CHRM3: variants seen among roughly 807,000 people sequenced by gnomAD.
CHRM3 encodes the protein muscarinic acetylcholine receptor M3.
Under a neutral mutation model 41.8 loss-of-function variants are expected in CHRM3, and 11 were observed. That is an observed-to-expected ratio of 0.26 (90% CI 0.17 to 0.44). The LOEUF (loss-of-function observed/expected upper bound fraction) is 0.44. CHRM3 is among the 20% of genes least tolerant of loss of function. The pLI is 1.00. For synonymous variants in CHRM3, 297 were observed against 301.4 expected (o/e 0.99, Z 0.15); for missense variants, 571 against 745.4 (o/e 0.77, Z 2.72).
chr1:239,493,329 A>AC (rs1384648466), intron 2 of CHRM3, among the ~76,000 whole-genome samples: 2 of 152,158 alleles, frequency 1.3e-5, no homozygotes, highest in African/African-American at 4.8e-5. Context: ...TATTAGAAGA[A>AC]CTGTGTGTTT....
At chr1:239,488,464 C>G (rs548581129) in intron 1 of CHRM3, among the ~76,000 whole-genome samples, 2 of 151,786 alleles carry the variant, frequency 1.3e-5, no homozygotes, top group African/African-American at 4.8e-5. Flanking sequence ...GCCTGTAATC[C>G]CAGCACTTTG....
At chr1:239,404,421 A>AGAAAGAGAAAGAAAGAAAGAAG (rs1558195873) in intron 1 of CHRM3, among the ~76,000 whole-genome samples, 3 of 94,638 alleles carry the variant, frequency 3.2e-5, no homozygotes, top group African/African-American at 1.3e-4. Flanking sequence ...AAAGAAAGAA[A>AGAAAGAGAAAGAAAGAAAGAAG]GAAAGAAAGA....
In CHRM3 at chr1:239,678,279, C is replaced by T. The variant is rs1408880258; in HGVS notation, c.-156C>T. The T allele has an allele frequency of 1.3e-5, 2 of 152,158 alleles. No homozygotes were observed. The highest frequency in any genetic ancestry group is 1.3e-4 in the Admixed American group (2 of 15,262). 9.4% of individuals were successfully genotyped at this position (152,158 alleles called of 1,614,324 possible). On this transcript the variant is annotated 5_prime_UTR_variant, in exon 5 of 7. Transcript: ENST00000676153. ...ACATTGTATTGGTTTGATGCTCCTA[C>T]CTGGAACAGGTATGTAAATCTCCAG...
chr1:239,548,867 T>C (rs1023770996), intron 3 of CHRM3, among the ~76,000 whole-genome samples: 2 of 152,230 alleles, frequency 1.3e-5, no homozygotes, highest in Non-Finnish European at 2.9e-5. Flanking sequence ...AGCAAGGTTA[T>C]GCGGTTGGAA....
At chr1:239,710,684 T>C (rs188227101) in intron 5 of CHRM3, among the ~76,000 whole-genome samples, 1 of 152,314 alleles carries the variant, frequency 6.6e-6, no homozygotes, top group African/African-American at 2.4e-5. Flanking sequence ...ATGCCAAGTT[T>C]AGATAAAGTA....
chr1:239,628,615 T>TC lies in CHRM3; in HGVS notation c.-312-3609_-312-3608insC, dbSNP rs1669299935. Among the ~76,000 whole-genome samples the TC allele has an allele frequency of 3.3e-5, 2 of 61,062 alleles. 1 individual carries two copies. The highest frequency in any genetic ancestry group is 2.6e-4 in the Admixed American group (2 of 7,740). 40.1% of individuals were successfully genotyped at this position (61,062 alleles called of 152,430 possible). A position where few individuals can be genotyped will look rare whatever the true frequency, so the allele number is the denominator to read the frequency against. On this transcript the variant is annotated intron_variant, in intron 3 of 6. Transcript: ENST00000676153. The stretch of plus-strand genomic sequence containing the variant: ...AGTTTCCAGTTTTTCTGTTCTGTTT[T>TC]TCCCCATCTTTGTGGTTTTATCTAC...
chr1:239,517,602 G>C (rs1461095031), intron 2 of CHRM3, among the ~76,000 whole-genome samples: 1 of 152,138 alleles, frequency 6.6e-6, no homozygotes, highest in African/African-American at 2.4e-5. Flanking sequence ...CATTATTGAT[G>C]GTAGCCAGGT....
intron 2 of CHRM3, among the ~76,000 whole-genome samples, chr1:239,530,751 C>G (rs908365075): frequency 1.3e-5 from 2 of 151,858 alleles, no homozygotes; most frequent in African/African-American, 4.8e-5. Context: ...GAAGAAAGAC[C>G]CAGTGACCTT....
At position 239,630,452 on chromosome 1, in the gene CHRM3, T is replaced by G. The variant is rs375005571; in HGVS notation, c.-312-1772T>G. Reference sequence around the variant, plus strand: ...TGACACATGGTTAAATGGAGTTAACTGAGTACTTGCCCTTTGACCCATTAG... The same window carrying G: ...TGACACATGGTTAAATGGAGTTAACGGAGTACTTGCCCTTTGACCCATTAG... On this transcript the variant is annotated intron_variant, in intron 3 of 6. Coordinates refer to ENST00000676153, the MANE Select transcript of CHRM3 (RefSeq NM_001375978.1). 1.6e-3 allele frequency among the ~76,000 whole-genome samples: 238 copies of G among 152,296 alleles called. 7 individuals are homozygous for G. In the South Asian group the frequency reaches 0.048, roughly 31 times the overall value.
rs762794205 is a variant in CHRM3 at position 239,911,003 on chromosome 1, C to G, written c.*1779C>G. 6.0e-6 allele frequency: 1 copy of G among 167,068 alleles called. No individual in the cohort carries two copies. Among genetic ancestry groups the G allele is most frequent in the Non-Finnish European group, 1.5e-5 (1 of 68,128 alleles). 10.3% of individuals were successfully genotyped at this position (167,068 alleles called of 1,614,324 possible). On this transcript the variant is annotated 3_prime_UTR_variant, in exon 7 of 7. Coordinates refer to ENST00000676153, the MANE Select transcript of CHRM3 (RefSeq NM_001375978.1). ...ATGTTGATAAATATGACTCTTCAGT[C>G]GTCAGCCATGGTGTCCTTTCAAAGT...
intron 6 of CHRM3, among the ~76,000 whole-genome samples, chr1:239,894,123 A>G (rs1678781244): frequency 6.6e-6 from 1 of 152,216 alleles, no homozygotes; most frequent in Non-Finnish European, 1.5e-5. Context: ...TGGATCCACT[A>G]AACATTTTAT....
chr1:239,436,664 T>C (rs1187507068), intron 1 of CHRM3, among the ~76,000 whole-genome samples: 1 of 152,124 alleles, frequency 6.6e-6, no homozygotes, highest in African/African-American at 2.4e-5. Flanking sequence ...TTAATCATGC[T>C]CAGTTACTTT....
At chr1:239,421,984 T>G (rs1283798072) in intron 1 of CHRM3, among the ~76,000 whole-genome samples, 1 of 152,182 alleles carries the variant, frequency 6.6e-6, no homozygotes, top group South Asian at 2.1e-4. Context: ...ATTATGCTCT[T>G]TAGATGATGT....
chr1:239,694,612 A>AT (rs1291398728), intron 5 of CHRM3, among the ~76,000 whole-genome samples: 3 of 152,182 alleles, frequency 2.0e-5, no homozygotes, highest in African/African-American at 7.2e-5. Context: ...ATTTAAAAAT[A>AT]TTGTATTTCA....
Position 239,627,552 on chromosome 1 carries a change from T to G in CHRM3, c.-312-4672T>G, listed in dbSNP as rs1415573306. On this transcript the variant is annotated intron_variant, in intron 3 of 6. Coordinates refer to ENST00000676153, the MANE Select transcript of CHRM3 (RefSeq NM_001375978.1). ...GAATTTGATCCTGTCATTATGATGT[T>G]AGCTGGTGATTTTGCTCATTAGTTG... Among the ~76,000 whole-genome samples the G allele has an allele frequency of 5.0e-3, 596 of 119,030 alleles. 5 individuals carry two copies. The highest frequency in any genetic ancestry group is 0.019 in the African/African-American group (563 of 29,362). 78.1% of individuals were successfully genotyped at this position (119,030 alleles called of 152,430 possible). A position where few individuals can be genotyped will look rare whatever the true frequency, so the allele number is the denominator to read the frequency against.
chr1:239,830,698 C>T (rs1297848029), intron 6 of CHRM3, among the ~76,000 whole-genome samples: 1 of 152,108 alleles, frequency 6.6e-6, no homozygotes, highest in Non-Finnish European at 1.5e-5. Context: ...AGGGAGACTC[C>T]ATGTCAAAAA....
chr1:239,899,309 A>G (rs12729002), intron 6 of CHRM3, among the ~76,000 whole-genome samples: 31,118 of 80,774 alleles, frequency 0.39, 3,525 homozygotes, highest in Middle Eastern at 0.44. Context: ...GTGTGTGTGT[A>G]TATACACACA....
intron 4 of CHRM3, among the ~76,000 whole-genome samples, chr1:239,633,920 A>G (rs1021427352): frequency 6.6e-6 from 1 of 152,232 alleles, no homozygotes; most frequent in African/African-American, 2.4e-5. Flanking sequence ...ATTCAGTAAC[A>G]TTCATATCTG....
intron 5 of CHRM3, among the ~76,000 whole-genome samples, chr1:239,818,433 T>G (rs1671772061): frequency 6.6e-6 from 1 of 152,178 alleles, no homozygotes; most frequent in African/African-American, 2.4e-5. Flanking sequence ...GCCCTCACCC[T>G]TTCTGAGCTT....
Sources: gnomAD v4.1 joint callset for allele counts (sites outside exome capture counted in the v4.1 genomes callset) on GRCh38, gnomAD v4.1.1 for gene constraint, MANE v1.5 for transcripts, NCBI Gene and HGNC (gene_info 2026-07-23, HGNC 2026-07-21) for gene names.